Variants in FTO observed in about 807,000 individuals in gnomAD.
FTO encodes the protein alpha-ketoglutarate-dependent dioxygenase FTO.
In FTO, 47 loss-of-function variants were observed where a neutral mutation model predicts 63.9. The ratio of observed to expected loss-of-function variants is 0.74; its 90% confidence interval spans 0.58 to 0.94. FTO has a LOEUF of 0.94. FTO is among the 40% of genes least tolerant of loss of function. The probability of loss-of-function intolerance (pLI) is 0.00; values close to 1 mark genes in which losing one functional copy is unlikely to be tolerated. For missense variants in FTO, 562 were observed against 618.1 expected (o/e 0.91, Z 0.96); for synonymous variants, 207 against 224.4 (o/e 0.92, Z 0.69).
intron 7 of FTO, among the ~76,000 whole-genome samples, chr16:53,910,582 G>T (rs1489521453): frequency 6.6e-6 from 1 of 152,078 alleles, no homozygotes; most frequent in Non-Finnish European, 1.5e-5. Flanking sequence ...TGTCACTTAG[G>T]CTGGAGTGCA....
At chr16:53,777,668 A>G (rs1485866351) in intron 1 of FTO, among the ~76,000 whole-genome samples, 1 of 152,206 alleles carries the variant, frequency 6.6e-6, no homozygotes, top group African/African-American at 2.4e-5. Flanking sequence ...CATCAGTATC[A>G]CCACTGATCT....
chr16:54,070,239 G>C (rs942113643), intron 8 of FTO: 2 of 152,104 alleles, frequency 1.3e-5, no homozygotes, highest in African/African-American at 4.8e-5. Context: ...ATGAGACTCA[G>C]TTGAGATCTG....
intron 8 of FTO, among the ~76,000 whole-genome samples, chr16:54,026,951 A>T (rs1217868536): frequency 6.6e-6 from 1 of 152,104 alleles, no homozygotes; most frequent in Non-Finnish European, 1.5e-5. Context: ...CTAGAATATA[A>T]CTCCATTTAA....
At chr16:53,934,330 C>T (rs1480092693) in intron 8 of FTO, among the ~76,000 whole-genome samples, 1 of 152,108 alleles carries the variant, frequency 6.6e-6, no homozygotes, top group Non-Finnish European at 1.5e-5. Flanking sequence ...AATTTGTTCC[C>T]AAATATAACA....
chr16:54,036,704 T>G (rs1245778211), intron 8 of FTO, among the ~76,000 whole-genome samples: 1 of 152,236 alleles, frequency 6.6e-6, no homozygotes, highest in Non-Finnish European at 1.5e-5. Context: ...TGGCTTTTTA[T>G]AAGCTCATTG....
At chr16:53,988,444 G>GT (rs1388119788) in intron 8 of FTO, among the ~76,000 whole-genome samples, 11 of 152,048 alleles carry the variant, frequency 7.2e-5, no homozygotes, top group East Asian at 1.9e-4. Context: ...ACTTTTAAGG[G>GT]TTTTTTTAAT....
chr16:54,072,689 T>C (rs916803888), intron 8 of FTO: 1 of 152,298 alleles, frequency 6.6e-6, no homozygotes, highest in African/African-American at 2.4e-5. Flanking sequence ...TTCGTGTTCC[T>C]TTCCCCAGGC....
intron 1 of FTO, among the ~76,000 whole-genome samples, chr16:53,805,140 A>G (rs1296674616): frequency 6.6e-6 from 1 of 152,202 alleles, no homozygotes; most frequent in Non-Finnish European, 1.5e-5. Flanking sequence ...TTGAAGAAGT[A>G]TTATGTGGAA....
chr16:54,004,590 C>A (rs915938271), intron 8 of FTO, among the ~76,000 whole-genome samples: 1 of 152,182 alleles, frequency 6.6e-6, no homozygotes. Flanking sequence ...ATGAAGCGCC[C>A]ATGCTAGGGA....
At chr16:53,792,089 A>T (rs1023417386) in intron 1 of FTO, among the ~76,000 whole-genome samples, 91 of 151,586 alleles carry the variant, frequency 6.0e-4, no homozygotes, top group South Asian at 2.9e-3. Context: ...AAAAAAAAAA[A>T]AAAATAAAAA....
chr16:54,005,139 C>T (rs886122827), intron 8 of FTO, among the ~76,000 whole-genome samples: 15 of 148,972 alleles, frequency 1.0e-4, no homozygotes, highest in Admixed American at 4.7e-4. Flanking sequence ...CTCTAGGCAG[C>T]GCCAGGTTTC....
chr16:53,876,989 A>G (rs2080674998), intron 5 of FTO, among the ~76,000 whole-genome samples: 2 of 152,228 alleles, frequency 1.3e-5, no homozygotes, highest in South Asian at 2.1e-4. Flanking sequence ...GCTGAACGTC[A>G]TTAGTCACTA....
chr16:53,796,271 T>G (rs947108718), intron 1 of FTO, among the ~76,000 whole-genome samples: 10 of 152,140 alleles, frequency 6.6e-5, no homozygotes, highest in African/African-American at 1.9e-4. Context: ...CTGGAACTCC[T>G]GACCTCAGGT....
At chr16:53,938,575 A>T (rs1475562243) in intron 8 of FTO, among the ~76,000 whole-genome samples, 1 of 152,238 alleles carries the variant, frequency 6.6e-6, no homozygotes, top group Admixed American at 6.5e-5. Flanking sequence ...TTGTATACCT[A>T]CTGCATGAGA....
chr16:53,813,210 T>C (rs1003746709), intron 2 of FTO, among the ~76,000 whole-genome samples: 4 of 147,416 alleles, frequency 2.7e-5, no homozygotes, highest in African/African-American at 7.8e-5. Flanking sequence ...TTGCTGTTTT[T>C]CTTTTCTTTT....
At chr16:54,100,393 C>G (rs1691894137) in intron 8 of FTO, among the ~76,000 whole-genome samples, 1 of 152,148 alleles carries the variant, frequency 6.6e-6, no homozygotes, top group African/African-American at 2.4e-5. Context: ...TGCTCTGCCA[C>G]CTAGGCTGGA....
intron 1 of FTO, among the ~76,000 whole-genome samples, chr16:53,731,935 C>T (rs999799490): frequency 1.3e-5 from 2 of 150,964 alleles, no homozygotes; most frequent in African/African-American, 4.9e-5. Context: ...CATGTTGGCC[C>T]GGCTGGTCTC....
chr16:54,080,979 G>A (rs576371982), intron 8 of FTO, among the ~76,000 whole-genome samples: 12 of 152,202 alleles, frequency 7.9e-5, no homozygotes, highest in Non-Finnish European at 1.6e-4. Flanking sequence ...ACCCACAAGC[G>A]AAGCAAAACC....
intron 1 of FTO, among the ~76,000 whole-genome samples, chr16:53,787,203 C>T (rs374766251): frequency 9.5e-5 from 14 of 147,792 alleles, no homozygotes; most frequent in South Asian, 4.4e-4. Context: ...AGGGCAGCAG[C>T]GTTTGCTTTA....
Sources: gnomAD v4.1 joint callset for allele counts (sites outside exome capture counted in the v4.1 genomes callset) on GRCh38, gnomAD v4.1.1 for gene constraint, MANE v1.5 for transcripts, NCBI Gene and HGNC (gene_info 2026-07-23, HGNC 2026-07-21) for gene names.